The following NRXN3 variants were observed in gnomAD, a reference collection of about 807,000 sequenced individuals.
NRXN3 encodes the protein neurexin 3.
In NRXN3, 32 loss-of-function variants were observed where a neutral mutation model predicts 137.6. The observed-to-expected ratio is 0.23, with a 90% CI of 0.18 to 0.31. The LOEUF (loss-of-function observed/expected upper bound fraction) is 0.31, where lower values mean the gene tolerates loss of function less well. NRXN3 is among the 10% of genes least tolerant of loss of function. The pLI is 1.00. For synonymous variants in NRXN3, 798 were observed against 784.5 expected, an observed-to-expected ratio of 1.02 and a Z score of -0.29; for missense variants, 1,574 against 2,062.5, an observed-to-expected ratio of 0.76 and a Z score of 4.59.
chr14:78,821,884 A>G (rs759009679), intron 10 of NRXN3, among the ~76,000 whole-genome samples: 1 of 152,150 alleles, frequency 6.6e-6, no homozygotes, highest in Non-Finnish European at 1.5e-5. Flanking sequence ...TACTAATAGA[A>G]CCAATTTACA....
intron 10 of NRXN3, among the ~76,000 whole-genome samples, chr14:78,858,200 C>T (rs902152573): frequency 5.9e-5 from 9 of 152,052 alleles, no homozygotes; most frequent in African/African-American, 2.2e-4. Context: ...AAAGTCTGTG[C>T]TGAGGCAGTA....
At chr14:79,155,156 G>T (rs750682410) in intron 15 of NRXN3, among the ~76,000 whole-genome samples, 1 of 151,834 alleles carries the variant, frequency 6.6e-6, no homozygotes, top group Non-Finnish European at 1.5e-5. Context: ...CTTCATCAAT[G>T]GTGGAGCATC....
In NRXN3 at chr14:79,102,314, G is replaced by C. The variant is rs557578318; in HGVS notation, c.3262+114173G>C. Reference sequence around the variant, plus strand: ...TGAGAACCTTCCTAGGACTGGAGAAGATAAAGAAAATGCTACTTCAATTTT... The same window carrying C: ...TGAGAACCTTCCTAGGACTGGAGAACATAAAGAAAATGCTACTTCAATTTT... On this transcript the variant is annotated intron_variant, in intron 15 of 20. Coordinates refer to ENST00000335750, the MANE Select transcript of NRXN3 (RefSeq NM_001330195.2). 5.3e-5 allele frequency among the ~76,000 whole-genome samples: 8 copies of C among 152,214 alleles called. No homozygotes were observed. The East Asian group carries it at 1.5e-3, about 29-fold the overall frequency.
chr14:79,275,868 G>C (rs1330954070), intron 15 of NRXN3, among the ~76,000 whole-genome samples: 1 of 151,100 alleles, frequency 6.6e-6, no homozygotes, highest in Non-Finnish European at 1.5e-5. Flanking sequence ...AGGATTCCGT[G>C]GGGGGTTTAT....
At chr14:79,798,113 A>G (rs1320203738) in intron 19 of NRXN3, among the ~76,000 whole-genome samples, 1 of 152,074 alleles carries the variant, frequency 6.6e-6, no homozygotes, top group Non-Finnish European at 1.5e-5. Context: ...GGAAAAAAAA[A>G]AAAAATCATC....
At chr14:79,380,356 C>T (rs1313107605) in intron 15 of NRXN3, among the ~76,000 whole-genome samples, 1 of 150,474 alleles carries the variant, frequency 6.6e-6, no homozygotes, top group Non-Finnish European at 1.5e-5. Context: ...CTTCCCCCCA[C>T]CCCACAACAG....
At chr14:79,532,905 G>C (rs1468363799) in intron 16 of NRXN3, among the ~76,000 whole-genome samples, 1 of 152,130 alleles carries the variant, frequency 6.6e-6, no homozygotes, top group Non-Finnish European at 1.5e-5. Context: ...TGTTGGCATA[G>C]GAGAAGATTT....
intron 1 of NRXN3, among the ~76,000 whole-genome samples, chr14:78,238,739 G>A (rs992764789): frequency 1.3e-4 from 20 of 152,210 alleles, no homozygotes; most frequent in African/African-American, 4.8e-4. Context: ...AGAAAGCTTG[G>A]GTTTCCTCAG....
At chr14:79,644,346 G>C (rs1422905307) in intron 16 of NRXN3, among the ~76,000 whole-genome samples, 2 of 135,814 alleles carry the variant, frequency 1.5e-5, no homozygotes, top group East Asian at 3.9e-4. Flanking sequence ...GAGCTTGAAA[G>C]CCAGATCTGT....
At chr14:79,063,890 G>A (rs1347940342) in intron 15 of NRXN3, among the ~76,000 whole-genome samples, 2 of 151,952 alleles carry the variant, frequency 1.3e-5, no homozygotes, top group African/African-American at 2.4e-5. Flanking sequence ...TAAAAATATT[G>A]ATACAGAAAA....
chr14:78,818,941 C>T (rs894568819), intron 10 of NRXN3, among the ~76,000 whole-genome samples: 1 of 152,226 alleles, frequency 6.6e-6, no homozygotes, highest in East Asian at 1.9e-4. Context: ...TTGTTCAGGG[C>T]TAATTCAACA....
rs1247791653 is a variant in NRXN3, at chr14:78,709,408, C to T, written c.1413C>T (p.Ile471=). The T allele has an allele frequency of 3.1e-6, 5 of 1,614,066 alleles. No individual in the cohort carries two copies. Among genetic ancestry groups the T allele is most frequent in the Non-Finnish European group, 4.2e-6 (5 of 1,180,032 alleles). ...PKWNTKRMGS[I]SFDFRTTEPN... is the part of the protein sequence containing the mutation. ...GGAACACTAAACGTATGGGCTCCAT[C>T]TCCTTTGACTTCCGCACCACAGAGC... The change falls in exon 7 of 21, where the codon ATC becomes ATT. Residue 471 remains isoleucine (I), a synonymous_variant. Transcript: ENST00000335750.
chr14:79,101,450 G>A (rs1267616735), intron 15 of NRXN3, among the ~76,000 whole-genome samples: 1 of 152,146 alleles, frequency 6.6e-6, no homozygotes, highest in Non-Finnish European at 1.5e-5. Context: ...GAAAAACGTC[G>A]GGATGAGGAT....
chr14:79,688,788 G>A (rs1558956), intron 17 of NRXN3, among the ~76,000 whole-genome samples: 150,477 of 152,280 alleles, frequency 0.99, 74,362 homozygotes, highest in East Asian at 1. Context: ...GTCTCCAGGA[G>A]TTGAAATACT....
intron 11 of NRXN3, among the ~76,000 whole-genome samples, chr14:78,960,638 T>C (rs1287827836): frequency 2.0e-5 from 3 of 152,204 alleles, no homozygotes; most frequent in Non-Finnish European, 4.4e-5. Flanking sequence ...TACATTACTA[T>C]ACCAAGCATA....
chr14:79,506,155 C>T (rs1011539017), intron 16 of NRXN3, among the ~76,000 whole-genome samples: 4 of 152,166 alleles, frequency 2.6e-5, no homozygotes, highest in Non-Finnish European at 5.9e-5. Flanking sequence ...CATCCCAACA[C>T]CTTTGTAATA....
chr14:78,855,057 G>A (rs185560044), intron 10 of NRXN3, among the ~76,000 whole-genome samples: 46 of 151,864 alleles, frequency 3.0e-4, no homozygotes, highest in Non-Finnish European at 2.4e-4. Context: ...CCAGCTACTC[G>A]GGAGGCTGGG....
intron 6 of NRXN3, among the ~76,000 whole-genome samples, chr14:78,680,696 C>T (rs75472878): frequency 0.043 from 6,567 of 152,190 alleles, 194 homozygotes; most frequent in Middle Eastern, 0.15. Flanking sequence ...AACAACTCAA[C>T]AGTTTTTGTA....
chr14:78,501,936 T>C (rs983810470), intron 4 of NRXN3, among the ~76,000 whole-genome samples: 1 of 152,098 alleles, frequency 6.6e-6, no homozygotes, highest in Non-Finnish European at 1.5e-5. Context: ...AGATCTTCTA[T>C]GCAGCCCCCC....
Sources: allele counts gnomAD v4.1 joint callset (sites outside exome capture counted in the v4.1 genomes callset), GRCh38; gene constraint gnomAD v4.1.1; transcripts MANE v1.5; gene names NCBI Gene and HGNC (gene_info 2026-07-23, HGNC 2026-07-21).